Variants in NINJ2 observed in about 807,000 individuals in gnomAD.
NINJ2 encodes ninjurin-2.
Under a neutral mutation model 11.7 loss-of-function variants are expected in NINJ2, and 12 were observed. The observed-to-expected ratio is 1.02, with a 90% CI of 0.66 to 1.66. The LOEUF (loss-of-function observed/expected upper bound fraction) is 1.66, where lower values mean the gene tolerates loss of function less well. NINJ2 is among the 40% of genes most tolerant of loss of function. The pLI is 0.00. For synonymous variants in NINJ2, 93 were observed against 76.8 expected (o/e 1.21, Z -1.10); for missense variants, 187 against 181.8 (o/e 1.03, Z -0.16).
intron 2 of NINJ2, 80 bp from the exon 3 acceptor site, chr12:565,481 T>C (rs1283600931): frequency 2.1e-6 from 3 of 1,433,018 alleles, no homozygotes; most frequent in Non-Finnish European, 9.5e-7. Flanking sequence ...CCACCAGAGT[T>C]TGGAGAGAGG....
In NINJ2 at chr12:653,018, C is replaced by CTTTT. The variant is rs377056940; in HGVS notation, c.33+10306_33+10309dup. Among the ~76,000 whole-genome samples the CTTTT allele has an allele frequency of 5.9e-4, 57 of 96,210 alleles. 2 individuals are homozygous for CTTTT. Among genetic ancestry groups the CTTTT allele is most frequent in the East Asian group, 3.0e-3 (9 of 2,984 alleles). 63.1% of individuals were successfully genotyped at this position (96,210 alleles called of 152,430 possible). The stretch of plus-strand genomic sequence containing the variant: ...TGATATACAAAGTAATATTTTGTTT[C>CTTTT]TTTTTTTTTTTTTTTTTTTTGAGAT... On this transcript the variant is annotated intron_variant, in intron 1 of 3. Transcript: ENST00000305108.
chr12:623,494 A>T (rs1013363118), intron 1 of NINJ2, among the ~76,000 whole-genome samples: 1 of 151,988 alleles, frequency 6.6e-6, no homozygotes, highest in Non-Finnish European at 1.5e-5. Flanking sequence ...CCCACTCAAA[A>T]CTTCACTTTT....
At chr12:609,136 A>T (rs1178410684) in intron 1 of NINJ2, among the ~76,000 whole-genome samples, 1 of 90,996 alleles carries the variant, frequency 1.1e-5, no homozygotes, top group Non-Finnish European at 2.1e-5. Context: ...ACGCGCACGC[A>T]CGGCGCCACG....
intron 1 of NINJ2, among the ~76,000 whole-genome samples, chr12:573,955 C>A (rs12320171): frequency 1.2e-4 from 18 of 152,232 alleles, no homozygotes; most frequent in African/African-American, 3.4e-4. Flanking sequence ...TAAATTTGGC[C>A]GGGCAAGGTG....
At chr12:571,383 G>A (rs533527793) in intron 1 of NINJ2, among the ~76,000 whole-genome samples, 1 of 152,302 alleles carries the variant, frequency 6.6e-6, no homozygotes, top group African/African-American at 2.4e-5. Flanking sequence ...GAGACCCAGC[G>A]GTTTGCCCCA....
rs1948366368 is a variant in NINJ2 at position 637,477 on chromosome 12, C to A, written c.33+25851G>T. The stretch of plus-strand genomic sequence containing the variant: ...CAACACGGTGAAACCCCCGTCTCTA[C>A]TAAAAATACAAAAATTAGCTGGGCA... On this transcript the variant is annotated intron_variant, in intron 1 of 3. Coordinates refer to ENST00000305108, the MANE Select transcript of NINJ2 (RefSeq NM_016533.6). Among the ~76,000 whole-genome samples the A allele has an allele frequency of 2.0e-5, 3 of 151,700 alleles. No individual in the cohort carries two copies. The South Asian group carries it at 6.2e-4, about 32-fold the overall frequency.
chr12:582,829 G>C (rs1947576078), intron 1 of NINJ2, among the ~76,000 whole-genome samples: 1 of 76,782 alleles, frequency 1.3e-5, no homozygotes, highest in African/African-American at 6.2e-5. Context: ...TGGTGTGAAT[G>C]AATGAATGGG....
At chr12:603,711 A>C (rs1947902165) in intron 1 of NINJ2, among the ~76,000 whole-genome samples, 1 of 151,136 alleles carries the variant, frequency 6.6e-6, no homozygotes, top group South Asian at 2.1e-4. Flanking sequence ...CCCAGGCTGG[A>C]GTATAGTGGT....
rs550323561 is a variant in NINJ2 at position 612,436 on chromosome 12, G to A, written c.34-46258C>T. On this transcript the variant is annotated intron_variant, in intron 1 of 3. Coordinates refer to ENST00000305108, the MANE Select transcript of NINJ2 (RefSeq NM_016533.6). Reference sequence around the variant, plus strand: ...GGCTCAGGCTGGGTAGAGTAGGGGCGGGAGTCCTGTCCAAGCAGGGCCAAT... The same window carrying A: ...GGCTCAGGCTGGGTAGAGTAGGGGCAGGAGTCCTGTCCAAGCAGGGCCAAT... Among the ~76,000 whole-genome samples, 18 of 152,210 alleles carry A rather than the reference G, an allele frequency of 1.2e-4. No individual in the cohort carries two copies. The East Asian group carries it at 1.3e-3, about 11-fold the overall frequency.
At chr12:649,189 G>A (rs1937747213) in intron 1 of NINJ2, among the ~76,000 whole-genome samples, 1 of 152,040 alleles carries the variant, frequency 6.6e-6, no homozygotes, top group African/African-American at 2.4e-5. Flanking sequence ...TGGGATTACA[G>A]GCATGCGCCA....
At chr12:609,937 C>A (rs1308211046) in intron 1 of NINJ2, among the ~76,000 whole-genome samples, 1 of 98,034 alleles carries the variant, frequency 1.0e-5, no homozygotes, top group Non-Finnish European at 2.0e-5. Context: ...GTGGCAAGAC[C>A]CTGTCTTAAA....
At chr12:608,314 C>A (rs915164999) in intron 1 of NINJ2, among the ~76,000 whole-genome samples, 2 of 152,176 alleles carry the variant, frequency 1.3e-5, no homozygotes, top group Non-Finnish European at 2.9e-5. Flanking sequence ...CCATAGTAAT[C>A]AACTCTGCAG....
At chr12:621,952 C>T (rs1303251539) in intron 1 of NINJ2, among the ~76,000 whole-genome samples, 1 of 150,154 alleles carries the variant, frequency 6.7e-6, no homozygotes, top group Non-Finnish European at 1.5e-5. Flanking sequence ...GCCAAGATGG[C>T]GAAACACTGT....
intron 1 of NINJ2, among the ~76,000 whole-genome samples, chr12:570,467 C>T (rs962427147): frequency 2.6e-5 from 4 of 152,220 alleles, no homozygotes; most frequent in Non-Finnish European, 4.4e-5. Context: ...CTGGGAGCAA[C>T]TCCACAGGGG....
intron 1 of NINJ2, among the ~76,000 whole-genome samples, chr12:593,601 G>A (rs1370086226): frequency 6.6e-6 from 1 of 152,118 alleles, no homozygotes; most frequent in Non-Finnish European, 1.5e-5. Context: ...TGTAGTTCCA[G>A]CTACTCAAGA....
At chr12:639,933 C>T (rs1391256670) in intron 1 of NINJ2, among the ~76,000 whole-genome samples, 1 of 152,150 alleles carries the variant, frequency 6.6e-6, no homozygotes, top group Non-Finnish European at 1.5e-5. Flanking sequence ...CTTCAAAGGC[C>T]GAAGGAATGA....
At position 609,789 on chromosome 12, in the gene NINJ2, A is replaced by AAAAAAAAAAAAAAAAAAG. The variant is rs71439346; in HGVS notation, c.34-43612_34-43611insCTTTTTTTTTTTTTTTTT. Among the ~76,000 whole-genome samples the AAAAAAAAAAAAAAAAAAG allele has an allele frequency of 4.3e-5, 5 of 116,626 alleles. 1 individual carries two copies. The highest frequency in any genetic ancestry group is 9.2e-5 in the Non-Finnish European group (5 of 54,506). The allele number at this position is 116,626 out of a possible 152,430, so 76.5% of individuals were successfully genotyped here. On this transcript the variant is annotated intron_variant, in intron 1 of 3. Coordinates refer to ENST00000305108, the MANE Select transcript of NINJ2 (RefSeq NM_016533.6). ...CTGCCTCAAAAAAAAAAAAAAAAAT[A>AAAAAAAAAAAAAAAAAAG]GGGAAAACAACAACAGCAGCAATAG... is the stretch of plus-strand genomic sequence containing the variant.
chr12:622,888 C>T (rs1948170542), intron 1 of NINJ2, among the ~76,000 whole-genome samples: 1 of 152,050 alleles, frequency 6.6e-6, no homozygotes, highest in Admixed American at 6.6e-5. Context: ...TATGGACACC[C>T]CCGCCCAGGT....
At chr12:592,758 A>G (rs1250811031) in intron 1 of NINJ2, among the ~76,000 whole-genome samples, 1 of 152,216 alleles carries the variant, frequency 6.6e-6, no homozygotes, top group Non-Finnish European at 1.5e-5. Flanking sequence ...AGCAGAACAT[A>G]CTAAGGAATG....
Sources: gnomAD v4.1 joint callset for allele counts (sites outside exome capture counted in the v4.1 genomes callset) on GRCh38, gnomAD v4.1.1 for gene constraint, MANE v1.5 for transcripts, NCBI Gene and HGNC (gene_info 2026-07-23, HGNC 2026-07-21) for gene names.